Variants in PDZRN3 observed in about 807,000 individuals in gnomAD.
PDZRN3 encodes PDZ domain containing ring finger 3.
Under a neutral mutation model 85.7 loss-of-function variants are expected in PDZRN3, and 38 were observed. The observed-to-expected ratio is 0.44, with a 90% CI of 0.34 to 0.58. The LOEUF (loss-of-function observed/expected upper bound fraction) is 0.58, where lower values mean the gene tolerates loss of function less well. Among genes scored for constraint, PDZRN3 ranks in the 20% least tolerant of loss-of-function variants. The probability of loss-of-function intolerance (pLI) is 0.01; values close to 1 mark genes in which losing one functional copy is unlikely to be tolerated. For synonymous variants in PDZRN3, 759 were observed against 638.0 expected, an observed-to-expected ratio of 1.19 and a Z score of -2.86; for missense variants, 1,629 against 1,506.4, an observed-to-expected ratio of 1.08 and a Z score of -1.35.
chr3:73,596,029 C>T (rs1357012400), intron 3 of PDZRN3, among the ~76,000 whole-genome samples: 2 of 152,072 alleles, frequency 1.3e-5, no homozygotes, highest in South Asian at 4.1e-4. Context: ...GAAAAAAATG[C>T]ACATGTCAGA....
chr3:73,423,259 A>C (rs906403550), intron 3 of PDZRN3, among the ~76,000 whole-genome samples: 17 of 152,220 alleles, frequency 1.1e-4, no homozygotes, highest in African/African-American at 3.9e-4. Flanking sequence ...TATTCTTTAG[A>C]GTTTTACTTT....
At chr3:73,397,208 T>C (rs963537295) in intron 5 of PDZRN3, among the ~76,000 whole-genome samples, 1 of 152,054 alleles carries the variant, frequency 6.6e-6, no homozygotes, top group Non-Finnish European at 1.5e-5. Context: ...CAGAACCATC[T>C]GTTTTTCTCT....
intron 3 of PDZRN3, among the ~76,000 whole-genome samples, chr3:73,429,454 A>G (rs985635004): frequency 2.0e-5 from 3 of 151,438 alleles, no homozygotes; most frequent in Non-Finnish European, 3.0e-5. Context: ...GCTGATGCAG[A>G]GTCTCTTTGC....
chr3:73,452,169 C>T (rs1260026827), intron 3 of PDZRN3, among the ~76,000 whole-genome samples: 1 of 152,188 alleles, frequency 6.6e-6, no homozygotes, highest in African/African-American at 2.4e-5. Context: ...TGGCTACAGA[C>T]TGACTCCTTT....
At position 73,603,870 on chromosome 3, in the gene PDZRN3, A is replaced by AACACACACAC. The variant is rs71625943; in HGVS notation, c.811-1419_811-1410dup. The stretch of plus-strand genomic sequence containing the variant: ...CTCCTTCCTTCTTCACACTTCCCCA[A>AACACACACAC]ACACACACACACACATACACACACA... On this transcript the variant is annotated intron_variant, in intron 2 of 9. Transcript: ENST00000263666. Among the ~76,000 whole-genome samples the AACACACACAC allele has an allele frequency of 5.8e-3, 642 of 110,408 alleles. 4 individuals carry two copies. Among genetic ancestry groups the AACACACACAC allele is most frequent in the African/African-American group, 0.018 (574 of 32,638 alleles). The allele number at this position is 110,408 out of a possible 152,430, so 72.4% of individuals were successfully genotyped here.
intron 3 of PDZRN3, among the ~76,000 whole-genome samples, chr3:73,558,740 A>C (rs1395058818): frequency 6.6e-6 from 1 of 152,244 alleles, no homozygotes; most frequent in East Asian, 1.9e-4. Context: ...AAATGGCAGG[A>C]GAGGGTAAAC....
chr3:73,484,575 A>C (rs1296727126), intron 3 of PDZRN3, among the ~76,000 whole-genome samples: 5 of 152,208 alleles, frequency 3.3e-5, no homozygotes. Flanking sequence ...ATAGTAAGGA[A>C]AGAAAAGAAA....
At chr3:73,513,855 T>C (rs1248266399) in intron 3 of PDZRN3, among the ~76,000 whole-genome samples, 1 of 152,200 alleles carries the variant, frequency 6.6e-6, no homozygotes, top group Non-Finnish European at 1.5e-5. Flanking sequence ...AAAATTTAAG[T>C]GCATTGATGA....
chr3:73,619,098 T>C (rs1702812042), intron 1 of PDZRN3, among the ~76,000 whole-genome samples: 1 of 152,210 alleles, frequency 6.6e-6, no homozygotes, highest in Admixed American at 6.5e-5. Context: ...TGGGTGGATC[T>C]AGTGGAACAA....
chr3:73,546,576 G>A (rs1308575808), intron 3 of PDZRN3, among the ~76,000 whole-genome samples: 1 of 152,212 alleles, frequency 6.6e-6, no homozygotes, highest in African/African-American at 2.4e-5. Context: ...CCCCTGCCAT[G>A]GGATTTCAGG....
intron 3 of PDZRN3, among the ~76,000 whole-genome samples, chr3:73,453,404 C>CAAA (rs1184407369): frequency 3.8e-4 from 37 of 97,500 alleles, no homozygotes; most frequent in African/African-American, 1.1e-3. Context: ...GACTTCGTCT[C>CAAA]AAAAAAAAAA....
At chr3:73,491,095 C>T (rs1703761481) in intron 3 of PDZRN3, among the ~76,000 whole-genome samples, 1 of 152,252 alleles carries the variant, frequency 6.6e-6, no homozygotes, top group Non-Finnish European at 1.5e-5. Flanking sequence ...CTCATAAGTG[C>T]GACCCTCTGG....
chr3:73,597,809 G>A (rs945142687), intron 3 of PDZRN3, among the ~76,000 whole-genome samples: 1 of 151,296 alleles, frequency 6.6e-6, no homozygotes, highest in Non-Finnish European at 1.5e-5. Flanking sequence ...AAGTGAATTT[G>A]CTGGTTTCTT....
At chr3:73,606,096 C>T (rs1267781572) in intron 2 of PDZRN3, among the ~76,000 whole-genome samples, 1 of 152,210 alleles carries the variant, frequency 6.6e-6, no homozygotes, top group African/African-American at 2.4e-5. Context: ...CCACAGGCCT[C>T]TCCATTTTGA....
At chr3:73,532,829 G>C (rs1239440272) in intron 3 of PDZRN3, among the ~76,000 whole-genome samples, 1 of 152,142 alleles carries the variant, frequency 6.6e-6, no homozygotes, top group Non-Finnish European at 1.5e-5. Flanking sequence ...GAGGGTCAAT[G>C]GTCTATTGTG....
chr3:73,391,853 A>G (rs1220718946), intron 5 of PDZRN3, among the ~76,000 whole-genome samples: 1 of 152,124 alleles, frequency 6.6e-6, no homozygotes, highest in African/African-American at 2.4e-5. Flanking sequence ...CACTCTGCCA[A>G]TGACTTGTGC....
intron 3 of PDZRN3, among the ~76,000 whole-genome samples, chr3:73,526,994 G>A (rs753540890): frequency 6.6e-6 from 1 of 152,136 alleles, no homozygotes; most frequent in Non-Finnish European, 1.5e-5. Context: ...GATTACAGGT[G>A]CTCATCACCA....
intron 3 of PDZRN3, among the ~76,000 whole-genome samples, chr3:73,567,791 A>T (rs985719082): frequency 2.0e-5 from 3 of 152,184 alleles, no homozygotes; most frequent in Non-Finnish European, 4.4e-5. Flanking sequence ...CCTTCCAAAC[A>T]TGTTAACAAA....
intron 3 of PDZRN3, among the ~76,000 whole-genome samples, chr3:73,457,702 G>C (rs755857285): frequency 6.6e-6 from 1 of 152,094 alleles, no homozygotes; most frequent in Non-Finnish European, 1.5e-5. Flanking sequence ...CCAATGTGAC[G>C]GTGTTAGGAG....
Sources: allele counts gnomAD v4.1 joint callset (sites outside exome capture counted in the v4.1 genomes callset), GRCh38; gene constraint gnomAD v4.1.1; transcripts MANE v1.5; gene names NCBI Gene and HGNC (gene_info 2026-07-23, HGNC 2026-07-21).